Variants in KCNMA1 observed in about 807,000 individuals in gnomAD.
KCNMA1 encodes the protein potassium calcium-activated channel subfamily M alpha 1.
KCNMA1 carries 29 observed loss-of-function variants against 140.0 expected under a neutral mutation model. That is an observed-to-expected ratio of 0.21 (90% CI 0.15 to 0.28). The LOEUF (loss-of-function observed/expected upper bound fraction) is 0.28. KCNMA1 is among the 10% of genes least tolerant of loss of function. KCNMA1 has a pLI of 1.00. For missense variants in KCNMA1, 880 were observed against 1,602.2 expected (o/e 0.55, Z 7.70); for synonymous variants, 612 against 611.9 (o/e 1.00, Z 0.00).
chr10:77,504,110 G>T (rs2044919652), intron 1 of KCNMA1, among the ~76,000 whole-genome samples: 1 of 152,158 alleles, frequency 6.6e-6, no homozygotes, highest in South Asian at 2.1e-4. Context: ...GTCCTTTCTT[G>T]GTTATCTGCC....
At chr10:77,205,677 C>A (rs1229274007) in intron 3 of KCNMA1, among the ~76,000 whole-genome samples, 1 of 152,090 alleles carries the variant, frequency 6.6e-6, no homozygotes, top group Non-Finnish European at 1.5e-5. Context: ...TTAGGAAGTC[C>A]ATCTGAACCA....
intron 1 of KCNMA1, among the ~76,000 whole-genome samples, chr10:77,485,048 C>T (rs1156447308): frequency 6.6e-6 from 1 of 152,170 alleles, no homozygotes; most frequent in Non-Finnish European, 1.5e-5. Context: ...TACTCTAAGA[C>T]TCACTCTCTC....
chr10:76,890,811 G>T (rs16933987), intron 26 of KCNMA1, among the ~76,000 whole-genome samples: 1 of 152,148 alleles, frequency 6.6e-6, no homozygotes, highest in East Asian at 1.9e-4. Flanking sequence ...GAAGGGAGAC[G>T]CTGGCCACTT....
intron 2 of KCNMA1, among the ~76,000 whole-genome samples, chr10:77,367,412 G>A (rs138031013): frequency 1.1e-3 from 160 of 152,206 alleles, no homozygotes; most frequent in Middle Eastern, 0.01. Context: ...TGCATGTTAC[G>A]ATGTTTCCTC....
intron 1 of KCNMA1, among the ~76,000 whole-genome samples, chr10:77,621,222 C>T (rs1326244765): frequency 1.3e-5 from 2 of 152,196 alleles, no homozygotes; most frequent in Admixed American, 1.3e-4. Flanking sequence ...AATGAGTTAA[C>T]CACTACCTTC....
intron 1 of KCNMA1, among the ~76,000 whole-genome samples, chr10:77,497,445 T>C (rs2042358063): frequency 6.6e-6 from 1 of 152,188 alleles, no homozygotes; most frequent in East Asian, 1.9e-4. Context: ...ACAGAGTCTA[T>C]TCCTGACACT....
intron 10 of KCNMA1, among the ~76,000 whole-genome samples, chr10:77,087,204 T>A (rs937427448): frequency 8.5e-5 from 13 of 152,186 alleles, no homozygotes; most frequent in Non-Finnish European, 1.9e-4. Flanking sequence ...TATGACTCTC[T>A]GGCCCTCAGA....
At chr10:77,045,818 G>A (rs2095018726) in intron 14 of KCNMA1, among the ~76,000 whole-genome samples, 1 of 152,148 alleles carries the variant, frequency 6.6e-6, no homozygotes, top group African/African-American at 2.4e-5. Context: ...CATGATTTCT[G>A]TTCCCAGTAA....
chr10:76,940,896 G>T (rs1410018970), intron 23 of KCNMA1, among the ~76,000 whole-genome samples: 1 of 150,756 alleles, frequency 6.6e-6, no homozygotes, highest in Non-Finnish European at 1.5e-5. Flanking sequence ...AGGAGGTGGA[G>T]GTTGCAGTGA....
At chr10:76,989,879 T>A (rs79917452) in intron 19 of KCNMA1, among the ~76,000 whole-genome samples, 2,645 of 152,184 alleles carry the variant, frequency 0.017, 86 homozygotes, top group African/African-American at 0.059. Flanking sequence ...CTATGGGAGA[T>A]GGCAAGCTTC....
chr10:77,623,623 A>C (rs1483618788), intron 1 of KCNMA1, among the ~76,000 whole-genome samples: 1 of 152,008 alleles, frequency 6.6e-6, no homozygotes, highest in African/African-American at 2.4e-5. Flanking sequence ...GAATTGCTTG[A>C]ACCCAGGAGA....
At position 76,953,784 on chromosome 10, in the gene KCNMA1, C is replaced by T; in HGVS notation, c.2484+17G>A. ...GGGCAGAAGCGGGCAACATCAGATG[C>T]ACAGTCCCTCACTCACCAGGATGAC... is the stretch of plus-strand genomic sequence containing the variant. On this transcript the variant is annotated intron_variant, in intron 21 of 27. Coordinates refer to ENST00000286628, the MANE Select transcript of KCNMA1 (RefSeq NM_001161352.2). 5.0e-6 allele frequency: 8 copies of T among 1,613,912 alleles called. No individual in the cohort carries two copies. The highest frequency in any genetic ancestry group is 6.8e-6 in the Non-Finnish European group (8 of 1,179,842).
intron 1 of KCNMA1, among the ~76,000 whole-genome samples, chr10:77,554,066 G>A (rs1186616946): frequency 6.6e-6 from 1 of 152,058 alleles, no homozygotes; most frequent in Non-Finnish European, 1.5e-5. Context: ...GGAAGGAGAA[G>A]CCCACAGGGT....
At chr10:76,902,546 G>A (rs1220977313) in intron 25 of KCNMA1, 3 of 152,198 alleles carry the variant, frequency 2.0e-5, no homozygotes, top group Admixed American at 2.0e-4. Flanking sequence ...CCTGTTCAGA[G>A]CCTGGGATCA....
At chr10:76,979,110 G>T (rs571143229) in intron 19 of KCNMA1, among the ~76,000 whole-genome samples, 2 of 152,286 alleles carry the variant, frequency 1.3e-5, no homozygotes, top group Admixed American at 6.5e-5. Flanking sequence ...TGAGGTACTG[G>T]TTCTGCCACC....
chr10:77,075,413 G>T (rs2096362925), intron 13 of KCNMA1, among the ~76,000 whole-genome samples: 2 of 152,218 alleles, frequency 1.3e-5, no homozygotes, highest in Non-Finnish European at 2.9e-5. Context: ...GTCAAGCATT[G>T]TGTGTGAAAG....
At chr10:76,909,582 C>T (rs996976658) in intron 25 of KCNMA1, among the ~76,000 whole-genome samples, 1 of 152,020 alleles carries the variant, frequency 6.6e-6, no homozygotes, top group African/African-American at 2.4e-5. Context: ...GCCTCAGGTC[C>T]CCCCCAACAC....
At chr10:77,613,428 T>C (rs563668528) in intron 1 of KCNMA1, among the ~76,000 whole-genome samples, 9 of 152,298 alleles carry the variant, frequency 5.9e-5, no homozygotes, top group Admixed American at 5.9e-4. Context: ...GCAATGCTTT[T>C]ATCTAAAATC....
At chr10:77,512,100 T>C (rs1179476994) in intron 1 of KCNMA1, among the ~76,000 whole-genome samples, 2 of 152,186 alleles carry the variant, frequency 1.3e-5, no homozygotes, top group Non-Finnish European at 2.9e-5. Context: ...ATGTCTTGGG[T>C]CATATATCCT....
Sources: allele counts gnomAD v4.1 joint callset (sites outside exome capture counted in the v4.1 genomes callset), GRCh38; gene constraint gnomAD v4.1.1; transcripts MANE v1.5; gene names NCBI Gene and HGNC (gene_info 2026-07-23, HGNC 2026-07-21).